EBF1: variants seen among roughly 807,000 people sequenced by gnomAD.
EBF1 encodes EBF transcription factor 1, also known as transcription factor COE1.
A neutral mutation model predicts 68.4 loss-of-function variants in EBF1; 10 were observed. The ratio of observed to expected loss-of-function variants is 0.15; its 90% CI spans 0.09 to 0.25. EBF1 has a LOEUF of 0.25. EBF1 is among the 10% of genes least tolerant of loss of function. The probability of loss-of-function intolerance (pLI) is 1.00; values close to 1 mark genes in which losing one functional copy is unlikely to be tolerated. For synonymous variants in EBF1, 298 were observed against 299.8 expected, an observed-to-expected ratio of 0.99 and a Z score of 0.06; for missense variants, 509 against 794.4, an observed-to-expected ratio of 0.64 and a Z score of 4.32.
intron 8 of EBF1, among the ~76,000 whole-genome samples, chr5:158,822,405 GA>G (rs1785070006): frequency 6.6e-6 from 1 of 152,122 alleles, no homozygotes; most frequent in Non-Finnish European, 1.5e-5. Context: ...ATGCAGCACT[GA>G]AAAATTCAGG....
intron 8 of EBF1, among the ~76,000 whole-genome samples, chr5:158,806,508 G>A (rs961796791): frequency 6.6e-6 from 1 of 152,032 alleles, no homozygotes; most frequent in African/African-American, 2.4e-5. Flanking sequence ...GCTCTATGCT[G>A]TCGTGAATGT....
intron 6 of EBF1, among the ~76,000 whole-genome samples, chr5:158,866,259 G>A (rs1207501471): frequency 6.6e-6 from 1 of 152,168 alleles, no homozygotes; most frequent in Non-Finnish European, 1.5e-5. Context: ...TCTGAGACAG[G>A]AGAAAGTCAG....
At chr5:158,796,563 A>AC in intron 8 of EBF1, 88 bp from the exon 9 acceptor site, 1 of 1,444,010 alleles carries the variant, frequency 6.9e-7, no homozygotes, top group East Asian at 2.3e-5. Context: ...GGAAAAAAAA[A>AC]ATCTTTTATC....
At chr5:158,933,394 G>A (rs1266553116) in intron 6 of EBF1, among the ~76,000 whole-genome samples, 1 of 152,172 alleles carries the variant, frequency 6.6e-6, no homozygotes, top group Non-Finnish European at 1.5e-5. Flanking sequence ...CTTGTCAGCT[G>A]GAGATGAGGG....
intron 8 of EBF1, among the ~76,000 whole-genome samples, chr5:158,800,733 C>G (rs879042752): frequency 6.6e-6 from 1 of 152,048 alleles, no homozygotes; most frequent in African/African-American, 2.4e-5. Flanking sequence ...CAGAGAGAAA[C>G]AGAGGGGAGA....
intron 6 of EBF1, among the ~76,000 whole-genome samples, chr5:158,899,648 G>A (rs941435798): frequency 1.3e-5 from 2 of 152,168 alleles, no homozygotes; most frequent in African/African-American, 4.8e-5. Context: ...AATGCAATTG[G>A]TTAGAAACTC....
intron 6 of EBF1, among the ~76,000 whole-genome samples, chr5:158,967,868 A>G (rs902277118): frequency 6.6e-6 from 1 of 152,228 alleles, no homozygotes; most frequent in African/African-American, 2.4e-5. Context: ...AAATTTCCCA[A>G]ACTCAGAAAT....
At chr5:158,771,305 G>A (rs1278515528) in intron 10 of EBF1, among the ~76,000 whole-genome samples, 1 of 152,092 alleles carries the variant, frequency 6.6e-6, no homozygotes, top group Non-Finnish European at 1.5e-5. Context: ...CTCCTTAGAT[G>A]AAGGTACTAT....
At chr5:159,072,115 C>A (rs1445542992) in intron 6 of EBF1, among the ~76,000 whole-genome samples, 1 of 152,180 alleles carries the variant, frequency 6.6e-6, no homozygotes, top group African/African-American at 2.4e-5. Flanking sequence ...ATATGTCAAA[C>A]TTTCTCATCT....
chr5:159,009,560 A>G (rs1450269630), intron 6 of EBF1, among the ~76,000 whole-genome samples: 1 of 152,218 alleles, frequency 6.6e-6, no homozygotes, highest in Non-Finnish European at 1.5e-5. Flanking sequence ...TGGCAGACTT[A>G]CTGAGGACAA....
At chr5:159,073,731 C>A in intron 5 of EBF1, 1 of 465,566 alleles carries the variant, frequency 2.1e-6, no homozygotes, top group South Asian at 3.0e-5. Context: ...TGGGGTCTCC[C>A]CATGACTGCC....
intron 6 of EBF1, among the ~76,000 whole-genome samples, chr5:158,987,988 G>T (rs1018150978): frequency 8.5e-5 from 13 of 152,124 alleles, no homozygotes; most frequent in African/African-American, 3.1e-4. Flanking sequence ...GAGAAAACAG[G>T]CCACTCTCCC....
chr5:158,728,362 G>A (rs1382313781), intron 11 of EBF1, among the ~76,000 whole-genome samples: 1 of 152,184 alleles, frequency 6.6e-6, no homozygotes, highest in Non-Finnish European at 1.5e-5. Context: ...GGAAAAAAGG[G>A]TTGGGAATTT....
At chr5:158,928,686 T>A (rs1329560065) in intron 6 of EBF1, among the ~76,000 whole-genome samples, 1 of 152,230 alleles carries the variant, frequency 6.6e-6, no homozygotes, top group Non-Finnish European at 1.5e-5. Context: ...AAGATTTAAG[T>A]TAAGTGACTC....
chr5:158,860,966 G>T (rs1232010958), intron 6 of EBF1, among the ~76,000 whole-genome samples: 3 of 152,122 alleles, frequency 2.0e-5, no homozygotes, highest in African/African-American at 7.2e-5. Context: ...TAACCTCCAA[G>T]ACGACACTCA....
At position 159,036,464 on chromosome 5, in the gene EBF1, T is replaced by C. The variant is rs1184390615; in HGVS notation, c.554+36932A>G. On this transcript the variant is annotated intron_variant, in intron 6 of 15. Coordinates refer to ENST00000313708, the MANE Select transcript of EBF1 (RefSeq NM_024007.5). ...ACTGGTACCAAAACAGAGATATAGA[T>C]CAATGGAACAGAACAGAGCCCTCAG... Among the ~76,000 whole-genome samples, 4 of 142,930 alleles carry C rather than the reference T, an allele frequency of 2.8e-5. No homozygotes were observed. The Admixed American group carries it at 2.8e-4, about 10-fold the overall frequency. The allele number at this position is 142,930 out of a possible 152,430, so 93.8% of individuals were successfully genotyped here.
At chr5:159,046,446 C>T (rs759555488) in intron 6 of EBF1, among the ~76,000 whole-genome samples, 25 of 152,142 alleles carry the variant, frequency 1.6e-4, no homozygotes, top group African/African-American at 3.6e-4. Context: ...GTAACATAAG[C>T]GGAATGTGTA....
intron 8 of EBF1, among the ~76,000 whole-genome samples, chr5:158,812,091 A>G (rs1476496423): frequency 2.0e-5 from 3 of 152,166 alleles, no homozygotes; most frequent in Admixed American, 1.3e-4. Flanking sequence ...CACTCATGTG[A>G]CAGTCTACGT....
chr5:158,999,945 G>A (rs1158450989), intron 6 of EBF1, among the ~76,000 whole-genome samples: 1 of 152,188 alleles, frequency 6.6e-6, no homozygotes, highest in Non-Finnish European at 1.5e-5. Context: ...GTATTGTGTG[G>A]AGCAGCAGTT....
Sources: gnomAD v4.1 joint callset for allele counts (sites outside exome capture counted in the v4.1 genomes callset) on GRCh38, gnomAD v4.1.1 for gene constraint, MANE v1.5 for transcripts, NCBI Gene and HGNC (gene_info 2026-07-23, HGNC 2026-07-21) for gene names.